CCDC122: variants seen among roughly 807,000 people sequenced by gnomAD.
The protein encoded by CCDC122 is coiled-coil domain containing 122.
Under a neutral mutation model 37.0 loss-of-function variants are expected in CCDC122, and 38 were observed. The observed-to-expected ratio is 1.03, with a 90% CI of 0.79 to 1.35. The LOEUF (loss-of-function observed/expected upper bound fraction) is 1.35, where lower values mean the gene tolerates loss of function less well. CCDC122 is among the 40% of genes most tolerant of loss of function. The probability of loss-of-function intolerance (pLI) is 0.00; values close to 1 mark genes in which losing one functional copy is unlikely to be tolerated. For missense variants in CCDC122, 305 were observed against 310.0 expected (o/e 0.98, Z 0.12); for synonymous variants, 83 against 95.6 (o/e 0.87, Z 0.77).
Position 43,868,805 on chromosome 13 carries a change from T to C in CCDC122, c.47-2A>G, listed in dbSNP as rs1378981605. On this transcript the variant is annotated splice_acceptor_variant, in intron 3 of 6. Coordinates refer to ENST00000444614, the MANE Select transcript of CCDC122 (RefSeq NM_144974.5). LOFTEE classifies it high-confidence loss of function. ...CTAATGAACTTGTGTCTTGGTTATC[T>C]ACAATTAGACAAAAGAATAAAGTAT... 2 of 1,433,058 alleles carry C rather than the reference T, an allele frequency of 1.4e-6. No individual in the cohort carries two copies. The highest frequency in any genetic ancestry group is 2.3e-4 in the Middle Eastern group (1 of 4,328). 88.8% of individuals were successfully genotyped at this position (1,433,058 alleles called of 1,614,324 possible).
chr13:43,878,675 C>T (rs1954744411), intron 1 of CCDC122, among the ~76,000 whole-genome samples: 1 of 152,184 alleles, frequency 6.6e-6, no homozygotes, highest in African/African-American at 2.4e-5. Flanking sequence ...CCTTCCATGT[C>T]CTAACTGCTA....
chr13:43,861,846 T>C (rs1230613061), intron 4 of CCDC122, among the ~76,000 whole-genome samples: 1 of 152,160 alleles, frequency 6.6e-6, no homozygotes, highest in Non-Finnish European at 1.5e-5. Flanking sequence ...CCCCAGACTT[T>C]CTGATTTCAA....
exon 4 of CCDC122, chr13:43,823,977 G>GT (rs964637420): frequency 1.4e-4 from 21 of 152,372 alleles, no homozygotes; most frequent in Admixed American, 7.2e-4. Flanking sequence ...TGGGGAATGA[G>GT]TGGTGCAGGC....
At chr13:43,849,689 T>A (rs1372752858) in intron 6 of CCDC122, among the ~76,000 whole-genome samples, 1 of 152,236 alleles carries the variant, frequency 6.6e-6, no homozygotes, top group Non-Finnish European at 1.5e-5. Context: ...GTAACTGTTT[T>A]ACTAAAGTCA....
intron 6 of CCDC122, among the ~76,000 whole-genome samples, chr13:43,837,947 T>C (rs1222386442): frequency 1.3e-5 from 2 of 152,280 alleles, no homozygotes; most frequent in East Asian, 3.9e-4. Flanking sequence ...TAGCTGAGAC[T>C]CAGTCGACCA....
chr13:43,828,218 T>TA (rs535006803), intron 3 of CCDC122, among the ~76,000 whole-genome samples: 38 of 152,268 alleles, frequency 2.5e-4, no homozygotes, highest in African/African-American at 8.4e-4. Context: ...AGACTGAAGA[T>TA]AGGATATTGG....
chr13:43,834,314 T>A (rs765274217), downstream of CCDC122, among the ~76,000 whole-genome samples: 2 of 152,168 alleles, frequency 1.3e-5, no homozygotes, highest in African/African-American at 4.8e-5. Flanking sequence ...TAATTCAAGA[T>A]GGATTAAAGA....
chr13:43,837,105 G>T lies in CCDC122; in HGVS notation c.*175C>A. 1.7e-6 allele frequency: 1 copy of T among 597,498 alleles called. No homozygotes were observed. Among genetic ancestry groups the T allele is most frequent in the Non-Finnish European group, 2.9e-6 (1 of 343,218 alleles). 37.0% of individuals were successfully genotyped at this position (597,498 alleles called of 1,614,324 possible). A position where few individuals can be genotyped will look rare whatever the true frequency, so the allele number is the denominator to read the frequency against. On this transcript the variant is annotated 3_prime_UTR_variant, in exon 7 of 7. Coordinates refer to ENST00000444614, the MANE Select transcript of CCDC122 (RefSeq NM_144974.5). ...ACTGCTATCAAGTGTAGGGTTAGAA[G>T]GCATTTTAACAAATCGATGACTGAT... is the stretch of plus-strand genomic sequence containing the variant.
At chr13:43,828,844 T>C (rs1953063637) in intron 3 of CCDC122, among the ~76,000 whole-genome samples, 1 of 152,172 alleles carries the variant, frequency 6.6e-6, no homozygotes, top group Non-Finnish European at 1.5e-5. Flanking sequence ...ATGTCCCACT[T>C]CCATAAGTGT....
At chr13:43,819,214 C>G (rs1471466310), downstream of CCDC122, among the ~76,000 whole-genome samples, 1 of 152,154 alleles carries the variant, frequency 6.6e-6, no homozygotes, top group East Asian at 1.9e-4. Context: ...GAGAAGCAAA[C>G]AGTCTCATAC....
intron 6 of CCDC122, chr13:43,856,166 T>C (rs1024614813): frequency 2.0e-5 from 3 of 152,086 alleles, no homozygotes; most frequent in Non-Finnish European, 4.4e-5. Flanking sequence ...TGAGAACTTA[T>C]GGACACATAG....
intron 4 of CCDC122, among the ~76,000 whole-genome samples, chr13:43,861,350 A>C (rs1205130387): frequency 6.6e-6 from 1 of 152,230 alleles, no homozygotes; most frequent in Non-Finnish European, 1.5e-5. Flanking sequence ...TCCATCCATT[A>C]TGGGAAAGCA....
intron 6 of CCDC122, among the ~76,000 whole-genome samples, chr13:43,844,260 C>A (rs1953445718): frequency 6.6e-6 from 1 of 151,898 alleles, no homozygotes; most frequent in Admixed American, 6.6e-5. Context: ...CAAATATATT[C>A]TAATTTTTCT....
rs1485596821 is a variant in CCDC122 at position 43,836,937 on chromosome 13, GT to G, written c.*342del. 1.2e-5 allele frequency: 2 copies of G among 166,824 alleles called. No individual in the cohort carries two copies. Among genetic ancestry groups the G allele is most frequent in the Non-Finnish European group, 2.5e-5 (2 of 78,810 alleles). The allele number at this position is 166,824 out of a possible 1,614,324, so 10.3% of individuals were successfully genotyped here. On this transcript the variant is annotated 3_prime_UTR_variant, in exon 7 of 7. Transcript: ENST00000444614. ...AATTTAAATCAGTGAAAATTCGAGT[GT>G]TTTTTCCCTTCTAAATTTTTACTTC...
At chr13:43,824,495 G>A (rs1264159819) in intron 3 of CCDC122, among the ~76,000 whole-genome samples, 1 of 152,076 alleles carries the variant, frequency 6.6e-6, no homozygotes, top group Non-Finnish European at 1.5e-5. Flanking sequence ...CATCAGCCTA[G>A]GCAAAGAGTT....
chr13:43,824,161 T>C (rs948968060), intron 3 of CCDC122: 2 of 152,234 alleles, frequency 1.3e-5, no homozygotes, highest in African/African-American at 2.4e-5. Flanking sequence ...GAAAAGCACA[T>C]GTAAACTGAG....
In CCDC122 at chr13:43,859,716, G is replaced by A. The variant is rs760412210; in HGVS notation, c.511C>T (p.Gln171Ter). 7.6e-6 allele frequency: 12 copies of A among 1,584,424 alleles called. No homozygotes were observed. The highest frequency in any genetic ancestry group is 2.7e-5 in the African/African-American group (2 of 72,952). Residue 171 changes from glutamine (Q) to a stop codon, truncating the protein, a stop_gained, in exon 5 of 7, where the codon CAA (glutamine) becomes TAA (stop). Transcript: ENST00000444614. LOFTEE classifies it high-confidence loss of function. ...TTCCCTCCTGGATTTTGAAGATCTT[G>A]CATAAGTTCTTCTTTCATTGTCTTT... Reference protein sequence around the residue: ...KLKTMKEELMQDLQNPGGNRI... With the variant: ...KLKTMKEELM
chr13:43,862,843 T>C (rs1334229564), intron 4 of CCDC122, among the ~76,000 whole-genome samples: 1 of 152,136 alleles, frequency 6.6e-6, no homozygotes, highest in Non-Finnish European at 1.5e-5. Context: ...ACTAATGTAA[T>C]TGACTATTAA....
intron 6 of CCDC122, among the ~76,000 whole-genome samples, chr13:43,856,777 C>T (rs1299284300): frequency 6.6e-6 from 1 of 151,938 alleles, no homozygotes; most frequent in East Asian, 1.9e-4. Flanking sequence ...AGAATAGTGG[C>T]TATTTGATAA....
Sources: gnomAD v4.1 joint callset for allele counts (sites outside exome capture counted in the v4.1 genomes callset) on GRCh38, gnomAD v4.1.1 for gene constraint, MANE v1.5 for transcripts, NCBI Gene and HGNC (gene_info 2026-07-23, HGNC 2026-07-21) for gene names.